DNAAF9: variants seen among roughly 807,000 people sequenced by gnomAD.
DNAAF9 encodes shulin.
Under a neutral mutation model 167.0 loss-of-function variants are expected in DNAAF9, and 90 were observed. That is an observed-to-expected ratio of 0.54 (90% CI 0.45 to 0.64). The LOEUF (loss-of-function observed/expected upper bound fraction) is 0.64. Ranked by LOEUF, DNAAF9 falls within the 30% of genes least tolerant of loss-of-function variation. DNAAF9 has a pLI of 0.00. For synonymous variants in DNAAF9, 491 were observed against 508.8 expected, an observed-to-expected ratio of 0.96 and a Z score of 0.47; for missense variants, 1,315 against 1,442.2, an observed-to-expected ratio of 0.91 and a Z score of 1.43.
At chr20:3,309,509 G>A (rs1283665957) in intron 20 of DNAAF9, among the ~76,000 whole-genome samples, 1 of 152,136 alleles carries the variant, frequency 6.6e-6, no homozygotes, top group Non-Finnish European at 1.5e-5. Context: ...AGAACAGAGA[G>A]CCTATTAATA....
chr20:3,259,465 C>G lies in DNAAF9; in HGVS notation c.3055+15G>C, dbSNP rs751490896. 2 of 1,431,936 alleles carry G rather than the reference C, an allele frequency of 1.4e-6. No individual in the cohort carries two copies. The highest frequency in any genetic ancestry group is 1.4e-5 in the South Asian group (1 of 72,254). 88.7% of individuals were successfully genotyped at this position (1,431,936 alleles called of 1,614,324 possible). A position where few individuals can be genotyped will look rare whatever the true frequency, so the allele number is the denominator to read the frequency against. ...CTCCATGGTGTAGAGCTCCCAAATC[C>G]CAGCCCCTGGTTACCTGAAAACTTC... is the stretch of plus-strand genomic sequence containing the variant. On this transcript the variant is annotated intron_variant, in intron 33 of 36. Transcript: ENST00000252032.
At position 3,381,436 on chromosome 20, in the gene DNAAF9, AC is replaced by A. The variant is rs1422160510; in HGVS notation, c.225del (p.Leu75PhefsTer19). On this transcript the variant is annotated frameshift_variant, in exon 3 of 37. Transcript: ENST00000252032. LOFTEE classifies it high-confidence loss of function. ...TCAAAATCACTGGTATTCTGATTGT[AC>A]AAACCAAATAGAAGATAATTTGCCA... ...RELANYLLFG[L>X]YNQNTSDFEK... is the part of the protein sequence containing the mutation. 3.7e-6 allele frequency: 6 copies of A among 1,613,034 alleles called. No homozygotes were observed. Among genetic ancestry groups the A allele is most frequent in the Non-Finnish European group, 5.1e-6 (6 of 1,179,062 alleles).
rs146477786 is a variant in DNAAF9, at chr20:3,366,685, G to C, written c.613-7092C>G. On this transcript the variant is annotated intron_variant, in intron 6 of 36. Transcript: ENST00000252032. ...CACACATGTAATCCCAGGACTTTGG[G>C]AGGCCGAGGTGGGAGGATCACTTGA... is the stretch of plus-strand genomic sequence containing the variant. Among the ~76,000 whole-genome samples, 1,377 of 152,256 alleles carry C rather than the reference G, an allele frequency of 9.0e-3. 20 individuals are homozygous for C. Among genetic ancestry groups the C allele is most frequent in the African/African-American group, 0.032 (1,322 of 41,554 alleles).
chr20:3,344,422 TATA>T (rs1410058093), intron 8 of DNAAF9, among the ~76,000 whole-genome samples: 4 of 152,206 alleles, frequency 2.6e-5, no homozygotes, highest in Admixed American at 2.6e-4. Context: ...AAAAACCACC[TATA>T]ATGTCTAAAA....
intron 21 of DNAAF9, among the ~76,000 whole-genome samples, chr20:3,301,653 T>C (rs1256397901): frequency 6.6e-6 from 1 of 152,342 alleles, no homozygotes; most frequent in East Asian, 1.9e-4. Context: ...TCAGGATTTA[T>C]TCCTTAGTAT....
At chr20:3,348,478 ATAAAT>A in intron 8 of DNAAF9, 42 bp downstream of exon 8, 2 of 990,456 alleles carry the variant, frequency 2.0e-6, no homozygotes, top group Non-Finnish European at 3.0e-6. Context: ...AAAACAATAA[ATAAAT>A]TAACCATTTT....
At chr20:3,266,580 C>T (rs1760514137) in intron 30 of DNAAF9, among the ~76,000 whole-genome samples, 1 of 152,056 alleles carries the variant, frequency 6.6e-6, no homozygotes, top group Admixed American at 6.6e-5. Context: ...CAGGTTTACG[C>T]CATTCTCCTG....
intron 3 of DNAAF9, among the ~76,000 whole-genome samples, chr20:3,377,497 T>C (rs1021459569): frequency 1.3e-5 from 2 of 151,846 alleles, no homozygotes; most frequent in East Asian, 3.9e-4. Context: ...GGTTTCACTC[T>C]GTCACCCAGG....
intron 29 of DNAAF9, among the ~76,000 whole-genome samples, chr20:3,271,841 G>A (rs1410689585): frequency 1.3e-5 from 2 of 151,872 alleles, no homozygotes; most frequent in Admixed American, 1.3e-4. Flanking sequence ...GGCTGGTCTC[G>A]AACTCCCGAC....
At chr20:3,310,264 A>AG (rs1491499744) in intron 20 of DNAAF9, among the ~76,000 whole-genome samples, 35 of 148,136 alleles carry the variant, frequency 2.4e-4, no homozygotes, top group African/African-American at 9.0e-4. Flanking sequence ...AGAGAGAGAG[A>AG]AAGAAAGAGA....
intron 34 of DNAAF9, 93 bp downstream of exon 34, chr20:3,255,913 C>T: frequency 3.2e-6 from 3 of 925,492 alleles, no homozygotes; most frequent in Non-Finnish European, 1.7e-6. Context: ...GGGGAGGCAT[C>T]AGGGAGGCAG....
At chr20:3,316,852 G>A (rs967869514) in intron 17 of DNAAF9, 59 bp from the exon 18 acceptor site, 6 of 1,181,918 alleles carry the variant, frequency 5.1e-6, no homozygotes, top group Non-Finnish European at 7.5e-6. Flanking sequence ...TGCCTTGCAG[G>A]CCCCAGACCC....
At chr20:3,275,210 C>T (rs985923380) in intron 29 of DNAAF9, among the ~76,000 whole-genome samples, 1 of 152,178 alleles carries the variant, frequency 6.6e-6, no homozygotes, top group Non-Finnish European at 1.5e-5. Context: ...GAAGCCATAT[C>T]CTACAAAGGG....
At chr20:3,318,108 T>C in intron 17 of DNAAF9, among the ~76,000 whole-genome samples, 181 bp downstream of exon 17, 1 of 150,052 alleles carries the variant, frequency 6.7e-6, no homozygotes. Context: ...GTTTCTCTTT[T>C]TTTTTTTTTT....
chr20:3,381,558 T>A, intron 2 of DNAAF9, 60 bp from the exon 3 acceptor site: 1 of 1,552,526 alleles, frequency 6.4e-7, no homozygotes, highest in Non-Finnish European at 8.7e-7. Context: ...AATGAGCCAA[T>A]AATTTGCCCC....
intron 30 of DNAAF9, among the ~76,000 whole-genome samples, chr20:3,267,390 T>C (rs537732398): frequency 6.6e-6 from 1 of 152,268 alleles, no homozygotes; most frequent in African/African-American, 2.4e-5. Flanking sequence ...GACCTAGGCA[T>C]GCAGTCAGCT....
At chr20:3,353,678 A>G (rs929105419) in intron 7 of DNAAF9, among the ~76,000 whole-genome samples, 1 of 133,642 alleles carries the variant, frequency 7.5e-6, no homozygotes, top group Non-Finnish European at 1.5e-5. Flanking sequence ...TACAGAACAC[A>G]CTGTGTTTCA....
At chr20:3,401,393 G>T (rs2083981584) in intron 1 of DNAAF9, among the ~76,000 whole-genome samples, 1 of 151,836 alleles carries the variant, frequency 6.6e-6, no homozygotes, top group African/African-American at 2.4e-5. Flanking sequence ...AGTAGAGATG[G>T]GGTTTTTCCA....
intron 7 of DNAAF9, among the ~76,000 whole-genome samples, chr20:3,349,576 T>C (rs1463156667): frequency 6.6e-6 from 1 of 152,160 alleles, no homozygotes; most frequent in East Asian, 1.9e-4. Flanking sequence ...TCCTTCCTTA[T>C]GCCCTCTTTC....
Sources: gnomAD v4.1 joint callset for allele counts (sites outside exome capture counted in the v4.1 genomes callset) on GRCh38, gnomAD v4.1.1 for gene constraint, MANE v1.5 for transcripts, NCBI Gene and HGNC (gene_info 2026-07-23, HGNC 2026-07-21) for gene names.